Variants in COL6A6 observed in about 807,000 individuals in gnomAD.
COL6A6 encodes collagen alpha-6(VI) chain.
Under a neutral mutation model 208.6 loss-of-function variants are expected in COL6A6, and 183 were observed. The observed-to-expected ratio is 0.88, with a 90% CI of 0.78 to 0.99. The LOEUF is 0.99. COL6A6 is among the 50% of genes least tolerant of loss of function. The pLI, the probability that COL6A6 is intolerant of heterozygous loss-of-function variation, is 0.00. For synonymous variants in COL6A6, 973 were observed against 1,011.8 expected (o/e 0.96, Z 0.73); for missense variants, 2,816 against 2,815.2 (o/e 1.00, Z -0.01).
chr3:130,626,407 G>T (rs2064886258), intron 24 of COL6A6, 78 bp from the exon 25 acceptor site: 3 of 1,014,508 alleles, frequency 3.0e-6, no homozygotes, highest in African/African-American at 3.2e-5. Context: ...CCATTGTTGT[G>T]TGTGATCCAC....
chr3:130,675,601 G>T lies in COL6A6; in HGVS notation c.*204G>T. ...AGCACTCTACGACTGATATGTCGAA[G>T]AACTGTTTCATTAGAAGACAGAAGA... On this transcript the variant is annotated 3_prime_UTR_variant, in exon 37 of 37. Coordinates refer to ENST00000358511, the MANE Select transcript of COL6A6 (RefSeq NM_001102608.3). 1 of 434,512 alleles carries T rather than the reference G, an allele frequency of 2.3e-6. No individual in the cohort carries two copies. Among genetic ancestry groups the T allele is most frequent in the Non-Finnish European group, 4.1e-6 (1 of 245,616 alleles). 26.9% of individuals were successfully genotyped at this position (434,512 alleles called of 1,614,324 possible).
chr3:130,621,778 C>T, intron 23 of COL6A6, 43 bp from the exon 24 acceptor site: 3 of 1,561,710 alleles, frequency 1.9e-6, no homozygotes, highest in Non-Finnish European at 2.6e-6. Context: ...AGAAAAGTTG[C>T]TTTATGTTTT....
intron 1 of COL6A6, among the ~76,000 whole-genome samples, chr3:130,553,917 A>G (rs1260233020): frequency 6.6e-6 from 1 of 151,358 alleles, no homozygotes; most frequent in African/African-American, 2.4e-5. Context: ...TGATTGTGGT[A>G]TAAGAATGGT....
In COL6A6 at chr3:130,590,299, A is replaced by ATTTTTTT. The variant is rs71133610; in HGVS notation, c.4219-718_4219-712dup. Among the ~76,000 whole-genome samples the ATTTTTTT allele has an allele frequency of 1.7e-3, 16 of 9,176 alleles. 4 individuals are homozygous for ATTTTTTT. The highest frequency in any genetic ancestry group is 2.8e-3 in the Non-Finnish European group (13 of 4,648). The allele number at this position is 9,176 out of a possible 152,430, so 6.0% of individuals were successfully genotyped here. On this transcript the variant is annotated intron_variant, in intron 12 of 36. Transcript: ENST00000358511. ...TATATATATATATATATATATATAT[A>ATTTTTTT]TTTTTTTTTTTTTTTTTTTTTTTTT...
intron 1 of COL6A6, among the ~76,000 whole-genome samples, chr3:130,538,990 G>C (rs6776080): frequency 0.08 from 12,124 of 152,204 alleles, 1,554 homozygotes; most frequent in African/African-American, 0.27. Flanking sequence ...AACAGAAGTA[G>C]GTCTGTAAAC....
At chr3:130,635,081 A>G (rs1176225170) in intron 27 of COL6A6, among the ~76,000 whole-genome samples, 1 of 152,126 alleles carries the variant, frequency 6.6e-6, no homozygotes, top group Non-Finnish European at 1.5e-5. Context: ...CGAAAAATAC[A>G]AAAATTAGCT....
At position 130,641,842 on chromosome 3, in the gene COL6A6, C is replaced by G. The variant is rs867471267; in HGVS notation, c.5154+128C>G. On this transcript the variant is annotated intron_variant, in intron 29 of 36. Coordinates refer to ENST00000358511, the MANE Select transcript of COL6A6 (RefSeq NM_001102608.3). ...TGCTTCTTGGCCACTTTTTTCCCACCTTTATGGGGGAGAAAATACTGATTA... is the reference window on the plus strand; with the variant it reads ...TGCTTCTTGGCCACTTTTTTCCCACGTTTATGGGGGAGAAAATACTGATTA... 6 of 512,446 alleles carry G rather than the reference C, an allele frequency of 1.2e-5. No individual in the cohort carries two copies. The Middle Eastern group carries it at 1.7e-3, about 144-fold the overall frequency. 31.7% of individuals were successfully genotyped at this position (512,446 alleles called of 1,614,324 possible). A position where few individuals can be genotyped will look rare whatever the true frequency, so the allele number is the denominator to read the frequency against.
At chr3:130,562,990 C>T (rs1028893682) in intron 2 of COL6A6, 78 bp from the exon 3 acceptor site, 5 of 1,032,120 alleles carry the variant, frequency 4.8e-6, no homozygotes, top group South Asian at 1.8e-5. Flanking sequence ...AAGTACTTCC[C>T]CGCCATAGAG....
chr3:130,650,497 T>C (rs896186752), intron 33 of COL6A6, among the ~76,000 whole-genome samples: 1 of 151,852 alleles, frequency 6.6e-6, no homozygotes, highest in South Asian at 2.1e-4. Flanking sequence ...GGCAGGCACC[T>C]GTAATCCCAG....
chr3:130,661,519 T>C (rs575264930), intron 34 of COL6A6, 118 bp from the exon 35 acceptor site: 1 of 762,634 alleles, frequency 1.3e-6, no homozygotes, highest in South Asian at 2.1e-5. Flanking sequence ...ACTATTAAAG[T>C]ATTTAGTCAC....
chr3:130,651,306 A>T (rs1262415350), intron 33 of COL6A6, among the ~76,000 whole-genome samples: 1 of 151,864 alleles, frequency 6.6e-6, no homozygotes, highest in Non-Finnish European at 1.5e-5. Context: ...TGTGCCTGTA[A>T]TCCCAGCTAC....
chr3:130,566,064 G>C (rs184688108), intron 4 of COL6A6, among the ~76,000 whole-genome samples: 7 of 152,270 alleles, frequency 4.6e-5, no homozygotes, highest in African/African-American at 1.4e-4. Context: ...AAGTAATTAT[G>C]TAATTTGTTG....
In COL6A6 at chr3:130,571,288, G is replaced by A. The variant is rs145053761; in HGVS notation, c.2872G>A (p.Ala958Thr). Residue 958 changes from alanine to threonine, a missense_variant, in exon 7 of 37, where the codon GCC (alanine) becomes ACC (threonine). By Grantham distance (58) the Ala-to-Thr change is moderately conservative (BLOSUM62 0). Coordinates refer to ENST00000358511, the MANE Select transcript of COL6A6 (RefSeq NM_001102608.3). ...IDGANPVELL[A>T]MAGSSDKYFF... Reference sequence around the variant, plus strand: ...TGGTGCCAATCCCGTGGAGCTGTTAGCCATGGCAGGATCAAGCGACAAGTA... The same window carrying A: ...TGGTGCCAATCCCGTGGAGCTGTTAACCATGGCAGGATCAAGCGACAAGTA... The A allele has an allele frequency of 3.7e-5, 59 of 1,614,042 alleles. No homozygotes were observed. In the African/African-American group the frequency reaches 6.9e-4, roughly 19 times the overall value.
At chr3:130,526,458 G>C (rs1194845361) in intron 1 of COL6A6, among the ~76,000 whole-genome samples, 5 of 152,124 alleles carry the variant, frequency 3.3e-5, no homozygotes, top group Admixed American at 3.3e-4. Context: ...TAGCCTAAGT[G>C]TGATGAAAAG....
At chr3:130,604,229 C>CA (rs2064110745) in intron 20 of COL6A6, among the ~76,000 whole-genome samples, 1 of 151,924 alleles carries the variant, frequency 6.6e-6, no homozygotes, top group Admixed American at 6.5e-5. Flanking sequence ...CGTGGTGGCT[C>CA]ACGCCTGTAA....
At chr3:130,532,225 C>A (rs2062113812) in intron 1 of COL6A6, among the ~76,000 whole-genome samples, 1 of 152,198 alleles carries the variant, frequency 6.6e-6, no homozygotes, top group Non-Finnish European at 1.5e-5. Flanking sequence ...CTCCCTACCC[C>A]TATTGTCTGT....
At chr3:130,531,811 A>G (rs544013317) in intron 1 of COL6A6, among the ~76,000 whole-genome samples, 4 of 152,216 alleles carry the variant, frequency 2.6e-5, no homozygotes, top group Non-Finnish European at 5.9e-5. Context: ...GCTGAATTTC[A>G]GTGTTAACAT....
chr3:130,564,994 C>G lies in COL6A6; in HGVS notation c.662C>G (p.Ala221Gly). The change falls in exon 4 of 37, where the codon GCT becomes GGT. Residue 221 changes from alanine to glycine, a missense_variant and splice_region_variant. Physicochemically the swap from Ala to Gly is moderately conservative, Grantham distance 60. Coordinates refer to ENST00000358511, the MANE Select transcript of COL6A6 (RefSeq NM_001102608.3). ...TGCTTGTTTATTTCTTGCCACACAG[C>G]TTGCCAAGGCCCTTCTATGGCCGAT... is the stretch of plus-strand genomic sequence containing the variant. ...EGAVDDIFVEACQGPSMADVV... is the reference protein window; with the variant it reads ...EGAVDDIFVEGCQGPSMADVV... 6.2e-7 allele frequency: 1 copy of G among 1,610,988 alleles called. No individual in the cohort carries two copies. Among genetic ancestry groups the G allele is most frequent in the Non-Finnish European group, 8.5e-7 (1 of 1,178,034 alleles).
At chr3:130,611,195 G>A (rs1236939492) in intron 23 of COL6A6, among the ~76,000 whole-genome samples, 1 of 152,146 alleles carries the variant, frequency 6.6e-6, no homozygotes, top group East Asian at 1.9e-4. Context: ...TAGACCTAGG[G>A]TTGGGAATGA....
Sources: allele counts gnomAD v4.1 joint callset (sites outside exome capture counted in the v4.1 genomes callset), GRCh38; gene constraint gnomAD v4.1.1; transcripts MANE v1.5; gene names NCBI Gene and HGNC (gene_info 2026-07-23, HGNC 2026-07-21).